Variants in STX8 observed in about 807,000 individuals in gnomAD.
STX8 encodes syntaxin 8.
Under a neutral mutation model 37.5 loss-of-function variants are expected in STX8, and 23 were observed. That is an observed-to-expected ratio of 0.61 (90% CI 0.44 to 0.87). The LOEUF (loss-of-function observed/expected upper bound fraction) is 0.87, where lower values mean the gene tolerates loss of function less well. Among genes scored for constraint, STX8 ranks in the 40% least tolerant of loss-of-function variants. The pLI is 0.00. For synonymous variants in STX8, 115 were observed against 99.1 expected (o/e 1.16, Z -0.95); for missense variants, 313 against 284.7 (o/e 1.10, Z -0.71).
At chr17:9,461,693 G>T (rs1597687659) in intron 6 of STX8, among the ~76,000 whole-genome samples, 1 of 151,924 alleles carries the variant, frequency 6.6e-6, no homozygotes, top group East Asian at 1.9e-4. Flanking sequence ...GTGGGTGGGG[G>T]GTGATTTCAA....
intron 2 of STX8, among the ~76,000 whole-genome samples, chr17:9,565,065 G>T (rs1306289828): frequency 6.6e-6 from 1 of 152,142 alleles, no homozygotes; most frequent in Non-Finnish European, 1.5e-5. Flanking sequence ...AAAATTAGCT[G>T]GAAGTGGTGG....
chr17:9,405,136 T>C lies in STX8; in HGVS notation c.542-26483A>G, dbSNP rs979519842. Among the ~76,000 whole-genome samples the C allele has an allele frequency of 2.6e-5, 4 of 152,216 alleles. No homozygotes were observed. In the East Asian group the frequency reaches 7.7e-4, roughly 29 times the overall value. ...ATGGCTTCCATAGCTTTTTCTGTCA[T>C]AACAATAGCATCTTCAATGGTGTCA... On this transcript the variant is annotated intron_variant, in intron 6 of 7. Transcript: ENST00000306357.
intron 3 of STX8, among the ~76,000 whole-genome samples, chr17:9,556,531 T>C (rs996358076): frequency 1.3e-5 from 2 of 151,792 alleles, no homozygotes; most frequent in Non-Finnish European, 2.9e-5. Flanking sequence ...AACCTCCGCC[T>C]CCCAGGTTCA....
chr17:9,441,219 C>T (rs1432785767), intron 6 of STX8, among the ~76,000 whole-genome samples: 3 of 151,712 alleles, frequency 2.0e-5, no homozygotes, highest in South Asian at 2.1e-4. Context: ...CGGCTGGGCA[C>T]GGTGGCTCAC....
At chr17:9,274,571 G>A (rs954200978) in intron 7 of STX8, among the ~76,000 whole-genome samples, 5 of 150,626 alleles carry the variant, frequency 3.3e-5, no homozygotes, top group African/African-American at 9.8e-5. Flanking sequence ...AGCTACTTGG[G>A]AGGCTAAGGC....
At chr17:9,295,744 C>T (rs1220906059) in intron 7 of STX8, among the ~76,000 whole-genome samples, 1 of 151,464 alleles carries the variant, frequency 6.6e-6, no homozygotes, top group Admixed American at 6.6e-5. Context: ...TCCGTCCCCC[C>T]TCCCCCCCAA....
intron 7 of STX8, among the ~76,000 whole-genome samples, chr17:9,315,740 G>T (rs149887750): frequency 1.3e-5 from 2 of 152,156 alleles, no homozygotes; most frequent in African/African-American, 2.4e-5. Context: ...TGGTGGGCAT[G>T]GTGGCTCACG....
chr17:9,416,206 T>A (rs1292412279), intron 6 of STX8, among the ~76,000 whole-genome samples: 1 of 152,148 alleles, frequency 6.6e-6, no homozygotes, highest in Non-Finnish European at 1.5e-5. Flanking sequence ...TTCTCAGAGA[T>A]CCCAACTTAA....
At chr17:9,354,042 C>T (rs1006019805) in intron 7 of STX8, among the ~76,000 whole-genome samples, 4 of 152,172 alleles carry the variant, frequency 2.6e-5, no homozygotes, top group African/African-American at 7.2e-5. Context: ...CTTATCTCCA[C>T]ACTTTTAAAC....
intron 6 of STX8, among the ~76,000 whole-genome samples, chr17:9,486,118 T>C (rs907951153): frequency 6.6e-6 from 1 of 152,038 alleles, no homozygotes; most frequent in Non-Finnish European, 1.5e-5. Context: ...AAATCAAGAA[T>C]CGTGATAATG....
At chr17:9,418,419 G>C (rs1241966747) in intron 6 of STX8, among the ~76,000 whole-genome samples, 1 of 151,352 alleles carries the variant, frequency 6.6e-6, no homozygotes, top group Non-Finnish European at 1.5e-5. Flanking sequence ...CTAACAACAT[G>C]CCAGCAGAGA....
chr17:9,562,998 A>T (rs1907304917), intron 2 of STX8, among the ~76,000 whole-genome samples: 1 of 152,158 alleles, frequency 6.6e-6, no homozygotes, highest in Admixed American at 6.5e-5. Flanking sequence ...TTTCCTTAGG[A>T]GACAGGTTAA....
chr17:9,412,781 C>T (rs900898377), intron 6 of STX8, among the ~76,000 whole-genome samples: 2 of 152,088 alleles, frequency 1.3e-5, no homozygotes, highest in Non-Finnish European at 2.9e-5. Context: ...CATATTTGTT[C>T]ACAGAGTGCT....
chr17:9,372,100 G>A (rs1332119129), intron 7 of STX8, among the ~76,000 whole-genome samples: 1 of 152,142 alleles, frequency 6.6e-6, no homozygotes, highest in Non-Finnish European at 1.5e-5. Flanking sequence ...AGGTGAGTCT[G>A]CCTCAAACCA....
intron 7 of STX8, among the ~76,000 whole-genome samples, chr17:9,278,577 G>A (rs1360920791): frequency 6.6e-6 from 1 of 152,218 alleles, no homozygotes; most frequent in Non-Finnish European, 1.5e-5. Flanking sequence ...TCAATGGCAT[G>A]CTATTTATTG....
chr17:9,408,265 A>T (rs1234225882), intron 6 of STX8, among the ~76,000 whole-genome samples: 3 of 152,172 alleles, frequency 2.0e-5, no homozygotes, highest in Non-Finnish European at 4.4e-5. Flanking sequence ...TTTGGACTCC[A>T]TTTGTGGCGG....
chr17:9,460,266 A>G (rs140830750), intron 6 of STX8, among the ~76,000 whole-genome samples: 402 of 152,344 alleles, frequency 2.6e-3, no homozygotes, highest in African/African-American at 8.4e-3. Flanking sequence ...CTCCACAATC[A>G]TATCACAATA....
At chr17:9,296,285 G>A (rs1173904026) in intron 7 of STX8, among the ~76,000 whole-genome samples, 1 of 151,618 alleles carries the variant, frequency 6.6e-6, no homozygotes, top group Non-Finnish European at 1.5e-5. Context: ...GGCAGAGCTT[G>A]CAGTGAGCTG....
At chr17:9,378,474 T>C (rs1911676845) in intron 7 of STX8, 78 bp downstream of exon 7, 1 of 1,306,902 alleles carries the variant, frequency 7.7e-7, no homozygotes, top group African/African-American at 1.5e-5. Flanking sequence ...CCACAGTAAT[T>C]AGACAAACAG....
Sources: allele counts gnomAD v4.1 joint callset (sites outside exome capture counted in the v4.1 genomes callset), GRCh38; gene constraint gnomAD v4.1.1; transcripts MANE v1.5; gene names NCBI Gene and HGNC (gene_info 2026-07-23, HGNC 2026-07-21).